The following LIPA variants were observed in gnomAD, a reference collection of about 807,000 sequenced individuals.
LIPA encodes the protein lipase A, lysosomal acid type.
A neutral mutation model predicts 40.6 loss-of-function variants in LIPA; 26 were observed. The observed-to-expected ratio is 0.64, with a 90% CI of 0.47 to 0.89. The LOEUF is 0.89. Ranked by LOEUF, LIPA falls within the 40% of genes least tolerant of loss-of-function variation. The pLI is 0.00. For synonymous variants in LIPA, 188 were observed against 168.4 expected (o/e 1.12, Z -0.90); for missense variants, 455 against 479.6 (o/e 0.95, Z 0.48).
chr10:89,366,577 C>T (rs1283882943), intron 2 of LIPA, among the ~76,000 whole-genome samples: 2 of 152,130 alleles, frequency 1.3e-5, no homozygotes, highest in African/African-American at 4.8e-5. Flanking sequence ...TGAAAAAATG[C>T]TCATCATCAC....
intron 2 of LIPA, among the ~76,000 whole-genome samples, chr10:89,368,268 C>T (rs936845430): frequency 6.6e-6 from 1 of 152,168 alleles, no homozygotes; most frequent in Non-Finnish European, 1.5e-5. Context: ...AAATCTTCCC[C>T]AGTGATCCTA....
chr10:89,242,461 T>C (rs1258451725), intron 3 of LIPA, among the ~76,000 whole-genome samples: 1 of 152,180 alleles, frequency 6.6e-6, no homozygotes, highest in South Asian at 2.1e-4. Context: ...ATAGGATGAA[T>C]GAGAACAGGA....
At chr10:89,279,269 C>T (rs1843304346) in intron 1 of LIPA, among the ~76,000 whole-genome samples, 1 of 152,204 alleles carries the variant, frequency 6.6e-6, no homozygotes, top group African/African-American at 2.4e-5. Flanking sequence ...GGTATATCCT[C>T]TTATTCCTTC....
intron 1 of LIPA, among the ~76,000 whole-genome samples, chr10:89,267,873 A>G (rs1335956996): frequency 6.6e-6 from 1 of 152,168 alleles, no homozygotes; most frequent in East Asian, 1.9e-4. Context: ...ACCGGCAAGT[A>G]TAGTCTCTGC....
chr10:89,411,562 A>G (rs1302585448), intron 2 of LIPA, among the ~76,000 whole-genome samples: 6 of 152,236 alleles, frequency 3.9e-5, no homozygotes, highest in Admixed American at 3.3e-4. Flanking sequence ...TTAACAGTGT[A>G]ACATGCATTA....
intron 1 of LIPA, among the ~76,000 whole-genome samples, chr10:89,265,932 G>A (rs1235965138): frequency 6.6e-6 from 1 of 152,140 alleles, no homozygotes; most frequent in Admixed American, 6.5e-5. Context: ...GGGCCAACAT[G>A]AAAAATTCCA....
intron 1 of LIPA, among the ~76,000 whole-genome samples, chr10:89,262,867 G>A (rs57001382): frequency 0.24 from 36,823 of 152,092 alleles, 5,314 homozygotes; most frequent in African/African-American, 0.41. Context: ...GTGGACTCTT[G>A]TCTAGGATTC....
At chr10:89,350,753 C>A (rs1843954365) in intron 2 of LIPA, among the ~76,000 whole-genome samples, 1 of 152,106 alleles carries the variant, frequency 6.6e-6, no homozygotes, top group South Asian at 2.1e-4. Context: ...GCATGTTTTG[C>A]GACTTGAGTT....
At chr10:89,351,182 G>A (rs191356663) in intron 2 of LIPA, among the ~76,000 whole-genome samples, 1 of 152,140 alleles carries the variant, frequency 6.6e-6, no homozygotes, top group African/African-American at 2.4e-5. Context: ...GAGGTGTGGT[G>A]GCACATGCCT....
At chr10:89,263,910 C>T (rs1427888241) in intron 1 of LIPA, among the ~76,000 whole-genome samples, 1 of 152,250 alleles carries the variant, frequency 6.6e-6, no homozygotes, top group Non-Finnish European at 1.5e-5. Flanking sequence ...GGCACCAGTA[C>T]AGATGCCAGT....
Position 89,318,693 on chromosome 10 carries a change from C to G in LIPA, c.-2+23918G>C, listed in dbSNP as rs1843555076. 1.3e-5 allele frequency among the ~76,000 whole-genome samples: 2 copies of G among 152,226 alleles called. 1 individual carries two copies. Among genetic ancestry groups the G allele is most frequent in the African/African-American group, 4.8e-5 (2 of 41,454 alleles). ...AACAAGGATATCCAGGAGTTGAACT[C>G]AGCTCTGCACCAAGCAGACCTAATA... On this transcript the variant is annotated intron_variant, in intron 1 of 5. Transcript: ENST00000282673.
At chr10:89,407,716 G>A (rs1841434709) in intron 2 of LIPA, among the ~76,000 whole-genome samples, 1 of 152,154 alleles carries the variant, frequency 6.6e-6, no homozygotes, top group African/African-American at 2.4e-5. Context: ...AATACCAACA[G>A]GAGAATGCTT....
At chr10:89,228,687 T>C (rs1589558733) in intron 3 of LIPA, among the ~76,000 whole-genome samples, 1 of 152,230 alleles carries the variant, frequency 6.6e-6, no homozygotes. Context: ...AATTATAAAA[T>C]GTTTTTACAA....
chr10:89,327,550 CA>C lies in LIPA; in HGVS notation c.-2+15060del, dbSNP rs199597063. Among the ~76,000 whole-genome samples the C allele has an allele frequency of 3.4e-5, 5 of 147,200 alleles. No individual in the cohort carries two copies. In the East Asian group the frequency reaches 7.9e-4, roughly 23 times the overall value. ...TGGGCAACAGAGTAAGACTCTGTCT[CA>C]AAAAAAAACAAAAACAAAAACAAAA... On this transcript the variant is annotated intron_variant, in intron 1 of 5. Coordinates refer to the LIPA transcript ENST00000282673.
At chr10:89,401,463 C>A (rs1844422307) in intron 2 of LIPA, among the ~76,000 whole-genome samples, 1 of 151,924 alleles carries the variant, frequency 6.6e-6, no homozygotes, top group African/African-American at 2.4e-5. Context: ...AGATGAAGAA[C>A]AAATTAGTGG....
chr10:89,339,019 C>A, intron 1 of LIPA: 7 of 1,614,114 alleles, frequency 4.3e-6, no homozygotes, highest in Non-Finnish European at 5.9e-6. Context: ...TAAGGTGAAA[C>A]AAACCTGCAA....
upstream of LIPA, among the ~76,000 whole-genome samples, chr10:89,256,674 T>C (rs1843182858): frequency 6.6e-6 from 1 of 152,230 alleles, no homozygotes; most frequent in Non-Finnish European, 1.5e-5. Context: ...GAAGGTAGTC[T>C]TGAGGATTAA....
At chr10:89,296,230 T>G (rs1012708622) in intron 1 of LIPA, among the ~76,000 whole-genome samples, 2 of 152,176 alleles carry the variant, frequency 1.3e-5, no homozygotes, top group Admixed American at 6.5e-5. Context: ...GGCTCATGCC[T>G]GTAATCCTAG....
intron 1 of LIPA, among the ~76,000 whole-genome samples, chr10:89,321,361 C>T (rs1843571092): frequency 6.6e-6 from 1 of 152,078 alleles, no homozygotes; most frequent in Non-Finnish European, 1.5e-5. Flanking sequence ...AAAACTTAAA[C>T]AAATTTACAA....
Sources: gnomAD v4.1 joint callset for allele counts (sites outside exome capture counted in the v4.1 genomes callset) on GRCh38, gnomAD v4.1.1 for gene constraint, MANE v1.5 for transcripts, NCBI Gene and HGNC (gene_info 2026-07-23, HGNC 2026-07-21) for gene names.